The following DIS3L2 variants were observed in gnomAD, a reference collection of about 807,000 sequenced individuals.
DIS3L2 encodes the protein DIS3 like 3'-5' exoribonuclease 2.
DIS3L2 carries 34 observed loss-of-function variants against 97.5 expected under a neutral mutation model. The ratio of observed to expected loss-of-function variants is 0.35; its 90% CI spans 0.27 to 0.46. The LOEUF (loss-of-function observed/expected upper bound fraction) is 0.46, where lower values mean the gene tolerates loss of function less well. Among genes scored for constraint, DIS3L2 ranks in the 20% least tolerant of loss-of-function variants. The probability of loss-of-function intolerance (pLI) is 1.00; values close to 1 mark genes in which losing one functional copy is unlikely to be tolerated. For missense variants in DIS3L2, 1,038 were observed against 1,146.0 expected, an observed-to-expected ratio of 0.91 and a Z score of 1.36; for synonymous variants, 435 against 445.2, an observed-to-expected ratio of 0.98 and a Z score of 0.29.
intron 14 of DIS3L2, among the ~76,000 whole-genome samples, chr2:232,320,824 C>A (rs761700083): frequency 6.6e-6 from 1 of 152,216 alleles, no homozygotes; most frequent in Non-Finnish European, 1.5e-5. Flanking sequence ...TAGATGGGCA[C>A]GGCTAGGTGT....
intron 10 of DIS3L2, among the ~76,000 whole-genome samples, chr2:232,232,875 G>A (rs917944029): frequency 1.3e-5 from 2 of 152,140 alleles, no homozygotes; most frequent in Admixed American, 6.5e-5. Context: ...GCAGCCTGGG[G>A]CAGAGCACGG....
chr2:232,166,326 C>CCACA (rs144019112), intron 9 of DIS3L2, among the ~76,000 whole-genome samples: 4 of 151,364 alleles, frequency 2.6e-5, no homozygotes, highest in African/African-American at 9.7e-5. Context: ...AATACACACA[C>CCACA]CACACACACA....
chr2:232,133,539 A>G (rs902511210), intron 7 of DIS3L2, among the ~76,000 whole-genome samples: 2 of 152,244 alleles, frequency 1.3e-5, no homozygotes, highest in Non-Finnish European at 2.9e-5. Flanking sequence ...AGATCACAAC[A>G]TGAATGAGAA....
At position 232,336,903 on chromosome 2, in the gene DIS3L2, T is replaced by G; in HGVS notation, c.*273T>G. Reference sequence around the variant, plus strand: ...GGCCCCCCTTTTTTCTGGGCCCTACTGCCCTCCTCTGCCCAGGAAATGGGG... The same window carrying G: ...GGCCCCCCTTTTTTCTGGGCCCTACGGCCCTCCTCTGCCCAGGAAATGGGG... On this transcript the variant is annotated 3_prime_UTR_variant, in exon 21 of 21. Transcript: ENST00000325385. 7 of 1,260,244 alleles carry G rather than the reference T, an allele frequency of 5.6e-6. No homozygotes were observed. The highest frequency in any genetic ancestry group is 3.9e-5 in the Admixed American group (1 of 25,586). 78.1% of individuals were successfully genotyped at this position (1,260,244 alleles called of 1,614,324 possible).
chr2:232,137,804 T>C (rs1272114801), intron 8 of DIS3L2, among the ~76,000 whole-genome samples: 1 of 152,196 alleles, frequency 6.6e-6, no homozygotes, highest in Non-Finnish European at 1.5e-5. Context: ...TTGTACTTTC[T>C]TTTTTTCCTC....
At chr2:232,163,921 C>T (rs1466553510) in intron 9 of DIS3L2, among the ~76,000 whole-genome samples, 2 of 152,182 alleles carry the variant, frequency 1.3e-5, no homozygotes, top group Non-Finnish European at 2.9e-5. Context: ...CAGATTTCTG[C>T]GACCATAAAG....
At chr2:232,086,607 G>T (rs377088575) in intron 5 of DIS3L2, among the ~76,000 whole-genome samples, 1 of 45,156 alleles carries the variant, frequency 2.2e-5, no homozygotes, top group Non-Finnish European at 4.0e-5. Context: ...ATATATGTGT[G>T]TGTGTGTATA....
At chr2:232,192,293 G>A (rs866467465) in intron 9 of DIS3L2, among the ~76,000 whole-genome samples, 37 of 152,172 alleles carry the variant, frequency 2.4e-4, no homozygotes, top group African/African-American at 8.4e-4. Flanking sequence ...CTGTGGCTCT[G>A]AGTAGTAATC....
chr2:232,103,947 A>T (rs1016501831), intron 6 of DIS3L2, among the ~76,000 whole-genome samples: 1 of 152,160 alleles, frequency 6.6e-6, no homozygotes, highest in African/African-American at 2.4e-5. Flanking sequence ...AAGTATTTTC[A>T]GTTGTTTAGT....
chr2:232,004,053 C>T (rs1387912873), intron 1 of DIS3L2, among the ~76,000 whole-genome samples: 1 of 151,690 alleles, frequency 6.6e-6, no homozygotes, highest in Non-Finnish European at 1.5e-5. Context: ...TTCTCTTCTT[C>T]TGGGAAATCA....
intron 9 of DIS3L2, among the ~76,000 whole-genome samples, chr2:232,183,572 G>A (rs973400057): frequency 2.6e-5 from 4 of 152,192 alleles, no homozygotes; most frequent in African/African-American, 9.7e-5. Context: ...ATGCATGAGT[G>A]TGACCATCTT....
rs1214723183 is a variant in DIS3L2 at position 232,334,736 on chromosome 2, G to A, written c.2394+1G>A. On this transcript the variant is annotated splice_donor_variant, in intron 19 of 20. Transcript: ENST00000325385. LOFTEE classifies it high-confidence loss of function. ...CGTGCAGAAGCGCATCTACTGCAAC[G>A]TGAGTGCCCTGGGAGAGCCCGGGGG... The A allele has an allele frequency of 4.4e-6, 7 of 1,602,294 alleles. No individual in the cohort carries two copies. Among genetic ancestry groups the A allele is most frequent in the South Asian group, 1.1e-5 (1 of 89,398 alleles).
chr2:232,030,404 T>C (rs1382212864), intron 5 of DIS3L2, among the ~76,000 whole-genome samples: 5 of 152,312 alleles, frequency 3.3e-5, no homozygotes, highest in African/African-American at 1.2e-4. Flanking sequence ...CTACATCCTA[T>C]GCAGGGAGAA....
chr2:232,141,543 C>T (rs921972204), intron 8 of DIS3L2, among the ~76,000 whole-genome samples: 1 of 152,014 alleles, frequency 6.6e-6, no homozygotes, highest in Non-Finnish European at 1.5e-5. Flanking sequence ...ATGGGATTGC[C>T]TAGGCTTAAT....
At chr2:232,086,986 A>G (rs1696678428) in intron 5 of DIS3L2, among the ~76,000 whole-genome samples, 1 of 151,960 alleles carries the variant, frequency 6.6e-6, no homozygotes, top group South Asian at 2.1e-4. Context: ...TGGCCAATAA[A>G]GCTTTATATT....
chr2:232,130,180 ATGGCT>A (rs1698178265), intron 6 of DIS3L2, among the ~76,000 whole-genome samples: 1 of 152,130 alleles, frequency 6.6e-6, no homozygotes, highest in African/African-American at 2.4e-5. Flanking sequence ...TTTGTTTGTT[ATGGCT>A]GGTACCAAAG....
intron 8 of DIS3L2, among the ~76,000 whole-genome samples, chr2:232,148,109 G>C (rs1690273696): frequency 6.7e-6 from 1 of 149,842 alleles, no homozygotes; most frequent in African/African-American, 2.5e-5. Flanking sequence ...GAGTACAGTG[G>C]TTCAATCTCG....
intron 9 of DIS3L2, among the ~76,000 whole-genome samples, chr2:232,182,109 C>T (rs972418928): frequency 6.6e-6 from 1 of 152,110 alleles, no homozygotes; most frequent in African/African-American, 2.4e-5. Flanking sequence ...TAGCTACATC[C>T]CATAAATTTT....
chr2:232,281,086 T>G lies in DIS3L2; in HGVS notation c.1659+17646T>G, dbSNP rs1358968095. 1.3e-5 allele frequency among the ~76,000 whole-genome samples: 2 copies of G among 152,164 alleles called. No homozygotes were observed. Among genetic ancestry groups the G allele is most frequent in the African/African-American group, 2.4e-5 (1 of 41,452 alleles). ...GTAACCAGGGCTGATCTGGAGGAACTTGTTTGCTCTGCCTTGAAATATGAG... is the reference window on the plus strand; with the variant it reads ...GTAACCAGGGCTGATCTGGAGGAACGTGTTTGCTCTGCCTTGAAATATGAG... On this transcript the variant is annotated intron_variant, in intron 13 of 20. Coordinates refer to ENST00000325385, the MANE Select transcript of DIS3L2 (RefSeq NM_152383.5). The surrounding 1 kb of genome is among the most constrained non-coding windows in gnomAD (Gnocchi z 4.1).
Sources: allele counts gnomAD v4.1 joint callset (sites outside exome capture counted in the v4.1 genomes callset), GRCh38; gene constraint gnomAD v4.1.1; non-coding constraint Gnocchi (gnomAD v3.1); transcripts MANE v1.5; gene names NCBI Gene and HGNC (gene_info 2026-07-23, HGNC 2026-07-21).